Variants in TOPBP1 observed in about 807,000 individuals in gnomAD.
TOPBP1 encodes the protein DNA topoisomerase II binding protein 1, also known as DNA topoisomerase 2-binding protein 1.
TOPBP1 carries 28 observed loss-of-function variants against 167.7 expected under a neutral mutation model. The ratio of observed to expected loss-of-function variants is 0.17; its 90% CI spans 0.12 to 0.23. TOPBP1 has a LOEUF of 0.23. Ranked by LOEUF, TOPBP1 falls within the 10% of genes least tolerant of loss-of-function variation. TOPBP1 has a pLI of 1.00. For missense variants in TOPBP1, 1,554 were observed against 1,809.6 expected (o/e 0.86, Z 2.56); for synonymous variants, 598 against 611.4 (o/e 0.98, Z 0.32).
chr3:133,624,353 A>G (rs1432315719), intron 16 of TOPBP1, among the ~76,000 whole-genome samples, 178 bp from the exon 17 acceptor site: 1 of 152,136 alleles, frequency 6.6e-6, no homozygotes, highest in Non-Finnish European at 1.5e-5. Flanking sequence ...AGTCCCAGCT[A>G]CCCAGGAGGC....
intron 23 of TOPBP1, among the ~76,000 whole-genome samples, chr3:133,614,370 A>C (rs1272849950): frequency 6.6e-6 from 1 of 152,162 alleles, no homozygotes; most frequent in Non-Finnish European, 1.5e-5. Flanking sequence ...TATAAACATC[A>C]ATTTCCAATT....
Position 133,608,938 on chromosome 3 carries a change from T to C in TOPBP1, c.4198A>G (p.Ile1400Val). ...VEGAFSGWKVILHVDQSREAG... is the reference protein window; with the variant it reads ...VEGAFSGWKVVLHVDQSREAG... ...TCTCGAGACTGATCCACATGTAAAATAACCTTCCACCCACTAAATGCTCCC... is the reference window on the plus strand; with the variant it reads ...TCTCGAGACTGATCCACATGTAAAACAACCTTCCACCCACTAAATGCTCCC... The change falls in exon 26 of 28, where the codon ATT becomes GTT. Residue 1400 changes from isoleucine (I) to valine (V), a missense_variant. By Grantham distance (29) the Ile-to-Val change is conservative. Around this residue, in one of 3 missense-constraint regions of TOPBP1, gnomAD observed 351 missense variants for 432.9 expected, o/e 0.81. Coordinates refer to ENST00000260810, the MANE Select transcript of TOPBP1 (RefSeq NM_007027.4). 3.7e-6 allele frequency: 6 copies of C among 1,613,120 alleles called. No homozygotes were observed. Among genetic ancestry groups the C allele is most frequent in the Non-Finnish European group, 4.2e-6 (5 of 1,179,568 alleles).
chr3:133,601,981 C>G (rs953260116), intron 27 of TOPBP1, among the ~76,000 whole-genome samples: 1 of 152,104 alleles, frequency 6.6e-6, no homozygotes, highest in Non-Finnish European at 1.5e-5. Flanking sequence ...AACCATAGAG[C>G]CTGGAGAATA....
intron 10 of TOPBP1, 151 bp downstream of exon 10, chr3:133,649,232 G>T: frequency 1.9e-6 from 2 of 1,029,882 alleles, no homozygotes; most frequent in Non-Finnish European, 2.7e-6. Context: ...TGTCTTGCCT[G>T]CTCAGAAAAA....
At chr3:133,654,669 G>A (rs1936417387) in intron 6 of TOPBP1, among the ~76,000 whole-genome samples, 1 of 152,148 alleles carries the variant, frequency 6.6e-6, no homozygotes, top group Non-Finnish European at 1.5e-5. Context: ...TATTTTAAGA[G>A]TGCTGATAAA....
chr3:133,636,478 G>C (rs1300835560), intron 14 of TOPBP1, among the ~76,000 whole-genome samples: 6 of 151,828 alleles, frequency 4.0e-5, no homozygotes, highest in Admixed American at 3.9e-4. Flanking sequence ...TTATTTATGT[G>C]CCATCAAAAA....
At chr3:133,656,123 G>A (rs1936472773) in intron 5 of TOPBP1, among the ~76,000 whole-genome samples, 1 of 151,168 alleles carries the variant, frequency 6.6e-6, no homozygotes, top group Non-Finnish European at 1.5e-5. Context: ...CTTGAAATAG[G>A]CTCTAAGCTC....
intron 24 of TOPBP1, among the ~76,000 whole-genome samples, 196 bp downstream of exon 24, chr3:133,612,193 C>G (rs532888788): frequency 1.3e-5 from 2 of 152,032 alleles, no homozygotes; most frequent in African/African-American, 4.8e-5. Context: ...AGGCACTCAC[C>G]ACCATGCCTG....
At chr3:133,610,545 G>A (rs1248996200) in intron 25 of TOPBP1, among the ~76,000 whole-genome samples, 1 of 151,486 alleles carries the variant, frequency 6.6e-6, no homozygotes, top group Non-Finnish European at 1.5e-5. Context: ...AAAATTACAG[G>A]TACAGTTGAT....
chr3:133,605,698 G>C (rs112678271), intron 27 of TOPBP1, among the ~76,000 whole-genome samples: 34 of 152,232 alleles, frequency 2.2e-4, no homozygotes, highest in African/African-American at 7.9e-4. Flanking sequence ...TTCCACCTAG[G>C]CTAGGGAATA....
chr3:133,633,457 T>C (rs1488005011), intron 14 of TOPBP1, among the ~76,000 whole-genome samples: 2 of 152,220 alleles, frequency 1.3e-5, no homozygotes, highest in Non-Finnish European at 2.9e-5. Flanking sequence ...CCTTTGCTGG[T>C]TCCTCCTCTA....
At chr3:133,608,789 T>G (rs1258540497) in intron 26 of TOPBP1, 84 bp downstream of exon 26, 2 of 1,564,200 alleles carry the variant, frequency 1.3e-6, no homozygotes, top group African/African-American at 1.4e-5. Context: ...TTTCAAAAAG[T>G]AGAGAAAATG....
At chr3:133,653,789 C>G (rs898350623) in intron 6 of TOPBP1, among the ~76,000 whole-genome samples, 6 of 152,024 alleles carry the variant, frequency 3.9e-5, no homozygotes, top group Non-Finnish European at 8.8e-5. Context: ...GCCACCATGT[C>G]TGGCTAATTT....
intron 13 of TOPBP1, among the ~76,000 whole-genome samples, chr3:133,638,826 T>A (rs1935768093): frequency 6.6e-6 from 1 of 152,212 alleles, no homozygotes; most frequent in Non-Finnish European, 1.5e-5. Context: ...AGCTACTCCA[T>A]GCCAGGCCTA....
intron 27 of TOPBP1, among the ~76,000 whole-genome samples, chr3:133,605,717 G>A (rs1576675298): frequency 6.6e-6 from 1 of 152,222 alleles, no homozygotes; most frequent in East Asian, 1.9e-4. Flanking sequence ...TAAAGACAAG[G>A]AGGCCCAATC....
In TOPBP1 at chr3:133,601,123, C is replaced by A; in HGVS notation, c.*127G>T. ...GTGTTCAAAACTCAAGAAGGGTCAT[C>A]ATTATACTCTGAAGCAGAATTCTTC... On this transcript the variant is annotated 3_prime_UTR_variant, in exon 28 of 28. Transcript: ENST00000260810. 2 of 747,836 alleles carry A rather than the reference C, an allele frequency of 2.7e-6. No individual in the cohort carries two copies. Among genetic ancestry groups the A allele is most frequent in the Non-Finnish European group, 2.1e-6 (1 of 472,132 alleles). 46.3% of individuals were successfully genotyped at this position (747,836 alleles called of 1,614,324 possible). A position where few individuals can be genotyped will look rare whatever the true frequency, so the allele number is the denominator to read the frequency against.
chr3:133,601,505 T>A, intron 27 of TOPBP1, 112 bp from the exon 28 acceptor site: 1 of 885,958 alleles, frequency 1.1e-6, no homozygotes, highest in Non-Finnish European at 1.6e-6. Flanking sequence ...CTGACAAACT[T>A]AAAGGAAAAC....
intron 21 of TOPBP1, 91 bp from the exon 22 acceptor site, chr3:133,617,417 G>C: frequency 7.4e-7 from 1 of 1,357,802 alleles, no homozygotes; most frequent in Non-Finnish European, 9.6e-7. Context: ...TAGTCAAGAT[G>C]AAGTCAAGCA....
intron 14 of TOPBP1, among the ~76,000 whole-genome samples, chr3:133,631,545 T>C (rs780047386): frequency 1.3e-5 from 2 of 152,184 alleles, no homozygotes; most frequent in East Asian, 1.9e-4. Flanking sequence ...TCAAATCTCA[T>C]GTTGAACTGT....
Sources: gnomAD v4.1 joint callset for allele counts (sites outside exome capture counted in the v4.1 genomes callset) on GRCh38, gnomAD v4.1.1 for gene constraint, gnomAD v4.1.1 regional missense constraint, MANE v1.5 for transcripts, NCBI Gene and HGNC (gene_info 2026-07-23, HGNC 2026-07-21) for gene names.